PCDHGA4: variants seen among roughly 807,000 people sequenced by gnomAD.
The protein encoded by PCDHGA4 is protocadherin gamma-A4.
PCDHGA4 carries 38 observed loss-of-function variants against 54.6 expected under a neutral mutation model. The observed-to-expected ratio is 0.70, with a 90% CI of 0.54 to 0.91. PCDHGA4 has a LOEUF of 0.91. Among genes scored for constraint, PCDHGA4 ranks in the 40% least tolerant of loss-of-function variants. The pLI is 0.00. For synonymous variants in PCDHGA4, 511 were observed against 512.9 expected (o/e 1.00, Z 0.05); for missense variants, 1,298 against 1,220.9 (o/e 1.06, Z -0.94).
rs1285420674 is a variant in PCDHGA4 at position 141,409,726 on chromosome 5, C to G, written c.2514+52105C>G. The G allele has an allele frequency of 1.9e-6, 3 of 1,612,982 alleles. No homozygotes were observed. The Admixed American group carries it at 5.0e-5, about 27-fold the overall frequency. On this transcript the variant is annotated intron_variant, in intron 1 of 3. Transcript: ENST00000571252. ...CGGTGTCGTCATACGTGTCAGTGAG[C>G]GCGCAGAGCGGGGTGGTGTTCGCGC...
chr5:141,361,660 G>A (rs768286784), intron 1 of PCDHGA4: 5 of 1,613,636 alleles, frequency 3.1e-6, no homozygotes, highest in East Asian at 4.5e-5. Context: ...GTCCGTGAGC[G>A]CGCAGAGCGG....
Position 141,356,028 on chromosome 5 carries a change from C to A in PCDHGA4, c.921C>A (p.Asp307Glu). Residue 307 changes from aspartate (D) to glutamate (E), a missense_variant, in exon 1 of 4, where the codon GAC (aspartate) becomes GAA (glutamate). Asp to Glu is a conservative substitution (Grantham distance 45). Transcript: ENST00000571252. Reference protein sequence around the residue: ...ATDPDEGANGDVTYSFRKVRD... With the variant: ...ATDPDEGANGEVTYSFRKVRD... ...ATCCAGATGAAGGAGCCAATGGAGACGTGACGTATTCTTTCCGGAAAGTAA... is the reference window on the plus strand; with the variant it reads ...ATCCAGATGAAGGAGCCAATGGAGAAGTGACGTATTCTTTCCGGAAAGTAA... 6.2e-7 allele frequency: 1 copy of A among 1,613,932 alleles called. No individual in the cohort carries two copies. The highest frequency in any genetic ancestry group is 8.5e-7 in the Non-Finnish European group (1 of 1,179,884).
chr5:141,468,300 G>C (rs2099162063), intron 1 of PCDHGA4, among the ~76,000 whole-genome samples: 1 of 146,430 alleles, frequency 6.8e-6, no homozygotes, highest in Non-Finnish European at 1.5e-5. Flanking sequence ...ACCCCAGCCT[G>C]GGCAACAAGA....
intron 1 of PCDHGA4, among the ~76,000 whole-genome samples, chr5:141,470,430 T>C (rs994304635): frequency 6.6e-6 from 1 of 152,232 alleles, no homozygotes; most frequent in Non-Finnish European, 1.5e-5. Flanking sequence ...TTTCCTTGTG[T>C]GCAATAATTT....
Position 141,431,883 on chromosome 5 carries a change from A to T in PCDHGA4, c.2515-62924A>T, listed in dbSNP as rs748968989. 6.8e-6 allele frequency: 11 copies of T among 1,614,118 alleles called. No individual in the cohort carries two copies. The highest frequency in any genetic ancestry group is 1.1e-5 in the South Asian group (1 of 91,084). On this transcript the variant is annotated intron_variant, in intron 1 of 3. Transcript: ENST00000571252. The surrounding 1 kb of genome is among the most constrained non-coding windows in gnomAD (Gnocchi z 4.8). ...GCCCTTTTAAATGTAAATGACCAAG[A>T]TTCTGAGGAAAACGGACAGGTGATC...
At chr5:141,471,708 T>G (rs1359785951) in intron 1 of PCDHGA4, among the ~76,000 whole-genome samples, 1 of 152,138 alleles carries the variant, frequency 6.6e-6, no homozygotes, top group Non-Finnish European at 1.5e-5. Context: ...GGAATAGAAG[T>G]GCCACTTACC....
Position 141,486,817 on chromosome 5 carries a change from T to A in PCDHGA4, c.2515-7990T>A, listed in dbSNP as rs143638501. On this transcript the variant is annotated intron_variant, in intron 1 of 3. Transcript: ENST00000571252. The surrounding 1 kb of genome is among the most constrained non-coding windows in gnomAD (Gnocchi z 5.0). ...GGGGCAACCCACCCCTTAGCAGCAC[T>A]GTAACAGTTCGTCTATTTGTGCTGG... 1 of 1,614,102 alleles carries A rather than the reference T, an allele frequency of 6.2e-7. No homozygotes were observed. Among genetic ancestry groups the A allele is most frequent in the East Asian group, 2.2e-5 (1 of 44,898 alleles).
rs767107885 is a variant in PCDHGA4, at chr5:141,423,138, C to T, written c.2514+65517C>T. ...CAGCGCGGGCACTGCTGGACAGAGA[C>T]GCGCTCAAGCAGAGCCTCGTGGTGG... On this transcript the variant is annotated intron_variant, in intron 1 of 3. Transcript: ENST00000571252. 2.5e-6 allele frequency: 4 copies of T among 1,613,606 alleles called. 1 individual carries two copies. The highest frequency in any genetic ancestry group is 3.4e-6 in the Non-Finnish European group (4 of 1,179,912).
rs762574320 is a variant in PCDHGA4, at chr5:141,485,926, G to T, written c.2515-8881G>T. 2.5e-6 allele frequency: 4 copies of T among 1,614,090 alleles called. No individual in the cohort carries two copies. The highest frequency in any genetic ancestry group is 3.4e-6 in the Non-Finnish European group (4 of 1,180,052). On this transcript the variant is annotated intron_variant, in intron 1 of 3. Transcript: ENST00000571252. This position sits in a 1 kb window ranked among gnomAD's most constrained non-coding sequence, Gnocchi z 5.7. Reference sequence around the variant, plus strand: ...AGCAATCCAGCTACAGGATTAGTGTGTTGGAGAGCGCACCAGCGGGCATGG... The same window carrying T: ...AGCAATCCAGCTACAGGATTAGTGTTTTGGAGAGCGCACCAGCGGGCATGG...
At chr5:141,433,363 CTA>C (rs2097590674) in intron 1 of PCDHGA4, 2 of 463,314 alleles carry the variant, frequency 4.3e-6, no homozygotes, top group African/African-American at 5.6e-5. Flanking sequence ...GTCTGCCTAT[CTA>C]TCTATCTATC....
At chr5:141,402,993 T>C (rs762604393) in intron 1 of PCDHGA4, 3 of 1,613,752 alleles carry the variant, frequency 1.9e-6, no homozygotes, top group Non-Finnish European at 2.5e-6. Context: ...GGAAGATTAG[T>C]CCTGCTATGC....
chr5:141,383,492 G>T (rs1012277194), intron 1 of PCDHGA4: 11 of 1,613,178 alleles, frequency 6.8e-6, no homozygotes, highest in Non-Finnish European at 9.3e-6. Context: ...GTGCTGGAGC[G>T]GGTGCTGGAC....
rs1004176028 is a variant in PCDHGA4 at position 141,477,025 on chromosome 5, G to A, written c.2515-17782G>A. On this transcript the variant is annotated intron_variant, in intron 1 of 3. Transcript: ENST00000571252. This position sits in a 1 kb window ranked among gnomAD's most constrained non-coding sequence, Gnocchi z 4.9. ...TCGCCTTAGACCTTGTAACCGGGATGCTGACAATCAAGGGTCGGCTGGACT... is the reference window on the plus strand; with the variant it reads ...TCGCCTTAGACCTTGTAACCGGGATACTGACAATCAAGGGTCGGCTGGACT... 10 of 1,614,146 alleles carry A rather than the reference G, an allele frequency of 6.2e-6. No homozygotes were observed. Among genetic ancestry groups the A allele is most frequent in the East Asian group, 2.2e-5 (1 of 44,888 alleles).
At chr5:141,440,150 A>G (rs770863453) in intron 1 of PCDHGA4, 1 of 152,244 alleles carries the variant, frequency 6.6e-6, no homozygotes, top group African/African-American at 2.4e-5. Context: ...ACGCCCCCCA[A>G]TTATAGCTTG....
intron 1 of PCDHGA4, chr5:141,468,696 C>G (rs1483766202): frequency 6.6e-6 from 1 of 151,386 alleles, no homozygotes; most frequent in East Asian, 2.0e-4. Context: ...GAAACCCCGT[C>G]TCTACTAAAA....
chr5:141,419,926 G>A lies in PCDHGA4; in HGVS notation c.2514+62305G>A. 3 of 1,614,096 alleles carry A rather than the reference G, an allele frequency of 1.9e-6. No homozygotes were observed. In the South Asian group the frequency reaches 3.3e-5, roughly 18 times the overall value. On this transcript the variant is annotated intron_variant, in intron 1 of 3. Transcript: ENST00000571252. ...CCTCTGACTCCCAGGCTGAGATGCA[G>A]TTTTACCTGGTGGTGGCCTTGGCCT... is the stretch of plus-strand genomic sequence containing the variant.
chr5:141,478,783 T>G (rs1435790850), intron 1 of PCDHGA4: 2 of 1,483,968 alleles, frequency 1.3e-6, no homozygotes, highest in Admixed American at 4.6e-5. Flanking sequence ...TGGACCTAAT[T>G]CACATCCTCA....
In PCDHGA4 at chr5:141,485,849, G is replaced by A. The variant is rs777288674; in HGVS notation, c.2515-8958G>A. ...AGGGAACCCGCCGAGATCTGGCACC[G>A]CAGAGCTCCGGGTATCCGTGCTGGA... On this transcript the variant is annotated intron_variant, in intron 1 of 3. Transcript: ENST00000571252. The surrounding 1 kb of genome is among the most constrained non-coding windows in gnomAD (Gnocchi z 5.7). 3 of 1,614,130 alleles carry A rather than the reference G, an allele frequency of 1.9e-6. No individual in the cohort carries two copies. In the South Asian group the frequency reaches 3.3e-5, roughly 18 times the overall value.
intron 1 of PCDHGA4, among the ~76,000 whole-genome samples, chr5:141,401,889 T>G (rs1259815955): frequency 3.3e-5 from 5 of 152,232 alleles, no homozygotes; most frequent in Non-Finnish European, 7.3e-5. Context: ...TATTTTGTGT[T>G]CTTTTTCCCA....
Sources: gnomAD v4.1 joint callset for allele counts (sites outside exome capture counted in the v4.1 genomes callset) on GRCh38, gnomAD v4.1.1 for gene constraint, Gnocchi (gnomAD v3.1) non-coding constraint, MANE v1.5 for transcripts, NCBI Gene and HGNC (gene_info 2026-07-23, HGNC 2026-07-21) for gene names.